The following KIAA1217 variants were observed in gnomAD, a reference collection of about 807,000 sequenced individuals.
KIAA1217 encodes sickle tail protein homolog.
In KIAA1217, 88 loss-of-function variants were observed where a neutral mutation model predicts 163.9. The observed-to-expected ratio is 0.54, with a 90% CI of 0.45 to 0.64. The LOEUF (loss-of-function observed/expected upper bound fraction) is 0.64. KIAA1217 is among the 30% of genes least tolerant of loss of function. The pLI, the probability that KIAA1217 is intolerant of heterozygous loss-of-function variation, is 0.00. For missense variants in KIAA1217, 2,372 were observed against 2,475.0 expected, an observed-to-expected ratio of 0.96 and a Z score of 0.88; for synonymous variants, 903 against 923.1, an observed-to-expected ratio of 0.98 and a Z score of 0.39.
intron 1 of KIAA1217, among the ~76,000 whole-genome samples, chr10:23,757,754 G>A: frequency 6.6e-6 from 1 of 152,080 alleles, no homozygotes; most frequent in Admixed American, 6.5e-5. Context: ...CTGACCTCAG[G>A]TAATGCACCT....
At chr10:24,145,508 C>T (rs1429811938) in intron 2 of KIAA1217, among the ~76,000 whole-genome samples, 1 of 152,110 alleles carries the variant, frequency 6.6e-6, no homozygotes, top group African/African-American at 2.4e-5. Context: ...GTTTACTGAG[C>T]GTATCAGTCA....
chr10:24,159,156 A>G (rs1275835305), intron 2 of KIAA1217, among the ~76,000 whole-genome samples: 1 of 152,188 alleles, frequency 6.6e-6, no homozygotes, highest in Non-Finnish European at 1.5e-5. Context: ...AGTTATTTCT[A>G]CCAAGACACA....
chr10:24,163,839 G>A (rs1407181625), intron 2 of KIAA1217, among the ~76,000 whole-genome samples: 1 of 152,066 alleles, frequency 6.6e-6, no homozygotes, highest in African/African-American at 2.4e-5. Context: ...ATAGATGGGT[G>A]AAAAAGGCTT....
intron 2 of KIAA1217, among the ~76,000 whole-genome samples, chr10:24,098,761 TAGAG>T (rs1222805560): frequency 9.2e-6 from 1 of 108,464 alleles, no homozygotes; most frequent in Non-Finnish European, 1.8e-5. Context: ...GTGTGTGTGT[TAGAG>T]AGAGACAGAC....
chr10:23,924,264 T>C (rs1842946453), intron 1 of KIAA1217, among the ~76,000 whole-genome samples: 1 of 152,230 alleles, frequency 6.6e-6, no homozygotes, highest in African/African-American at 2.4e-5. Context: ...GATAACTGTC[T>C]TTACTTTTTA....
intron 2 of KIAA1217, among the ~76,000 whole-genome samples, chr10:24,017,755 T>C (rs1344260456): frequency 6.6e-6 from 1 of 152,080 alleles, no homozygotes; most frequent in African/African-American, 2.4e-5. Flanking sequence ...CCACTTACCC[T>C]GGGGAGTTTA....
At chr10:24,403,292 G>A (rs991204792) in intron 3 of KIAA1217, among the ~76,000 whole-genome samples, 4 of 152,032 alleles carry the variant, frequency 2.6e-5, no homozygotes, top group Non-Finnish European at 4.4e-5. Flanking sequence ...AGGCTGGAGT[G>A]CAATGGTGCA....
rs148667596 is a variant in KIAA1217, at chr10:24,100,602, T to C, written c.-171+93228T>C. Among the ~76,000 whole-genome samples the C allele has an allele frequency of 1.6e-3, 241 of 152,338 alleles. 6 individuals are homozygous for C. The East Asian group carries it at 0.04, about 25-fold the overall frequency. Reference sequence around the variant, plus strand: ...ACTTAATACTTAAAGTGAATGTTGCTTTTAGCAAGGCTGTCATTTAGTTTG... The same window carrying C: ...ACTTAATACTTAAAGTGAATGTTGCCTTTAGCAAGGCTGTCATTTAGTTTG... On this transcript the variant is annotated intron_variant, in intron 2 of 18. Transcript: ENST00000376462.
chr10:23,799,044 T>C (rs1225241767), intron 1 of KIAA1217, among the ~76,000 whole-genome samples: 1 of 152,190 alleles, frequency 6.6e-6, no homozygotes, highest in Non-Finnish European at 1.5e-5. Flanking sequence ...TTTCCCAGCT[T>C]CTGGTGGTTG....
chr10:24,353,333 T>A (rs1316546416), intron 2 of KIAA1217, among the ~76,000 whole-genome samples: 1 of 152,232 alleles, frequency 6.6e-6, no homozygotes, highest in Non-Finnish European at 1.5e-5. Context: ...CAAACATATT[T>A]CTCATTAGAT....
chr10:24,119,643 G>T (rs12770633), intron 2 of KIAA1217, among the ~76,000 whole-genome samples: 42,154 of 151,990 alleles, frequency 0.28, 6,929 homozygotes, highest in South Asian at 0.39. Flanking sequence ...TAATCAGAGA[G>T]GTTATCTAGA....
intron 1 of KIAA1217, among the ~76,000 whole-genome samples, chr10:23,824,004 G>T (rs1837749996): frequency 6.6e-6 from 1 of 152,038 alleles, no homozygotes; most frequent in African/African-American, 2.4e-5. Context: ...GGGCATGGTG[G>T]CTCACACCTG....
chr10:24,049,664 C>G (rs927335746), intron 2 of KIAA1217, among the ~76,000 whole-genome samples: 2 of 152,064 alleles, frequency 1.3e-5, no homozygotes, highest in African/African-American at 4.8e-5. Context: ...TGCATAGTAT[C>G]TCATGGTATA....
At chr10:23,979,456 C>G (rs564627010) in intron 1 of KIAA1217, among the ~76,000 whole-genome samples, 44 of 152,160 alleles carry the variant, frequency 2.9e-4, no homozygotes, top group Non-Finnish European at 5.1e-4. Flanking sequence ...TAATTTCTTC[C>G]TCTTCATGTC....
chr10:23,818,351 A>AAAATATATAT (rs374977941), intron 1 of KIAA1217, among the ~76,000 whole-genome samples: 29 of 134,894 alleles, frequency 2.1e-4, no homozygotes, highest in African/African-American at 7.8e-4. Flanking sequence ...TATATAAAAA[A>AAAATATATAT]ATATATATAT....
chr10:24,045,706 C>T (rs17501874), intron 2 of KIAA1217, among the ~76,000 whole-genome samples: 5,305 of 152,164 alleles, frequency 0.035, 101 homozygotes, highest in South Asian at 0.046. Flanking sequence ...GCAATATATT[C>T]GTGTGCTTCA....
intron 1 of KIAA1217, among the ~76,000 whole-genome samples, chr10:24,215,015 G>T (rs910854665): frequency 7.7e-4 from 118 of 152,332 alleles, no homozygotes; most frequent in African/African-American, 2.7e-3. Context: ...CTTGCAGTGC[G>T]GCTTTCTCCT....
intron 2 of KIAA1217, among the ~76,000 whole-genome samples, chr10:24,294,069 G>A (rs370703291): frequency 1.3e-5 from 2 of 151,510 alleles, no homozygotes; most frequent in African/African-American, 4.8e-5. Flanking sequence ...GCAGGCGCCT[G>A]TAGTCCCAGC....
chr10:23,963,153 G>T (rs1340042957), intron 1 of KIAA1217, among the ~76,000 whole-genome samples: 2 of 152,064 alleles, frequency 1.3e-5, no homozygotes, highest in Non-Finnish European at 2.9e-5. Context: ...TTTGGGATAC[G>T]TGTGCAGAAC....
Sources: gnomAD v4.1 joint callset for allele counts (sites outside exome capture counted in the v4.1 genomes callset) on GRCh38, gnomAD v4.1.1 for gene constraint, MANE v1.5 for transcripts, NCBI Gene and HGNC (gene_info 2026-07-23, HGNC 2026-07-21) for gene names.